The following SLC39A6 variants were observed in gnomAD, a reference collection of about 807,000 sequenced individuals.
SLC39A6 encodes solute carrier family 39 member 6.
SLC39A6 carries 51 observed loss-of-function variants against 63.5 expected under a neutral mutation model. That is an observed-to-expected ratio of 0.80 (90% CI 0.64 to 1.01). The LOEUF is 1.01. Among genes scored for constraint, SLC39A6 ranks in the 50% least tolerant of loss-of-function variants. The pLI, the probability that SLC39A6 is intolerant of heterozygous loss-of-function variation, is 0.00. For synonymous variants in SLC39A6, 318 were observed against 324.7 expected (o/e 0.98, Z 0.22); for missense variants, 805 against 927.8 (o/e 0.87, Z 1.72).
intron 3 of SLC39A6, among the ~76,000 whole-genome samples, chr18:36,124,273 GT>G (rs1343444615): frequency 6.6e-6 from 1 of 151,954 alleles, no homozygotes; most frequent in African/African-American, 2.4e-5. Flanking sequence ...CAAATTTCAG[GT>G]GATCCTGACA....
Position 36,109,020 on chromosome 18 carries a change from AC to A in SLC39A6, c.*572del, listed in dbSNP as rs1055957849. On this transcript the variant is annotated 3_prime_UTR_variant, in exon 10 of 10. Transcript: ENST00000269187. ...TACGTTTTTACGGGAAATAATCCTG[AC>A]AAAAATGTTTAATGAATGTACTCTA... is the stretch of plus-strand genomic sequence containing the variant. 2.6e-5 allele frequency: 4 copies of A among 152,212 alleles called. No homozygotes were observed. Among genetic ancestry groups the A allele is most frequent in the African/African-American group, 9.6e-5 (4 of 41,466 alleles). The allele number at this position is 152,212 out of a possible 1,614,324, so 9.4% of individuals were successfully genotyped here.
rs987494838 is a variant in SLC39A6 at position 36,116,685 on chromosome 18, T to C, written c.1454A>G (p.Asp485Gly). 6.2e-7 allele frequency: 1 copy of C among 1,607,336 alleles called. No homozygotes were observed. Among genetic ancestry groups the C allele is most frequent in the Non-Finnish European group, 8.5e-7 (1 of 1,174,090 alleles). The change falls in exon 6 of 10, where the codon GAT becomes GGT. Residue 485 changes from aspartate to glycine, a missense_variant. Asp to Gly is a moderately conservative substitution (Grantham distance 94, BLOSUM62 -1). This residue lies in a region of SLC39A6 where 639 missense variants were observed against 644.0 expected (regional missense o/e 0.99). Transcript: ENST00000269187. ...SQLSTNEEKV[D>G]TDDRTEGYLR... ...GCATAAGAACTTACGATCATCTGTATCTACTTTCTCCTCATTTGTTGAAAG... is the reference window on the plus strand; with the variant it reads ...GCATAAGAACTTACGATCATCTGTACCTACTTTCTCCTCATTTGTTGAAAG...
intron 8 of SLC39A6, among the ~76,000 whole-genome samples, chr18:36,111,567 C>T (rs1031749140): frequency 7.3e-5 from 11 of 150,948 alleles, no homozygotes; most frequent in Non-Finnish European, 1.6e-4. Flanking sequence ...TCATTGCAAC[C>T]TCTGCTTCCT....
At chr18:36,116,186 T>C (rs1214595899) in intron 6 of SLC39A6, among the ~76,000 whole-genome samples, 2 of 152,184 alleles carry the variant, frequency 1.3e-5, no homozygotes, top group Non-Finnish European at 2.9e-5. Context: ...TCAGTATAAA[T>C]TTCCTGATTT....
chr18:36,125,462 A>G (rs1266701943), intron 2 of SLC39A6, among the ~76,000 whole-genome samples: 1 of 152,148 alleles, frequency 6.6e-6, no homozygotes, highest in Non-Finnish European at 1.5e-5. Context: ...TACAACTCAG[A>G]GCAAACTTTA....
Position 36,122,120 on chromosome 18 carries a change from G to C in SLC39A6, c.1291C>G (p.Leu431Val), listed in dbSNP as rs1350544152. ...TGTTCAACAAGAAACATGAAATACA[G>C]GCCTCCTAGAGCTGTTAGACCCTTC... ...TWKGLTALGG[L>V]YFMFLVEHVL... Residue 431 changes from leucine to valine, a missense_variant, in exon 5 of 10, where the codon CTG becomes GTG. Leu to Val is a conservative substitution (Grantham distance 32, BLOSUM62 1). Around this residue, in one of 4 missense-constraint regions of SLC39A6, gnomAD observed 639 missense variants for 644.0 expected, o/e 0.99. Transcript: ENST00000269187. 1.2e-6 allele frequency: 2 copies of C among 1,613,902 alleles called. No homozygotes were observed. Among genetic ancestry groups the C allele is most frequent in the Non-Finnish European group, 1.7e-6 (2 of 1,179,902 alleles).
intron 8 of SLC39A6, among the ~76,000 whole-genome samples, chr18:36,111,665 A>G (rs1483223769): frequency 1.3e-5 from 2 of 151,996 alleles, no homozygotes; most frequent in Non-Finnish European, 2.9e-5. Context: ...TTTTACTTTT[A>G]GTAGAGACGG....
chr18:36,118,030 C>T (rs78243367), intron 5 of SLC39A6, among the ~76,000 whole-genome samples: 1 of 90,782 alleles, frequency 1.1e-5, no homozygotes, highest in Non-Finnish European at 2.3e-5. Flanking sequence ...GACTCCATCT[C>T]AAAAAAAAAA....
intron 8 of SLC39A6, among the ~76,000 whole-genome samples, chr18:36,111,860 G>A (rs2089303309): frequency 1.3e-5 from 2 of 152,216 alleles, no homozygotes; most frequent in Admixed American, 1.3e-4. Context: ...TAATATTGTG[G>A]TCTTGCAGTG....
Position 36,126,623 on chromosome 18 carries a change from G to T in SLC39A6, c.385C>A (p.His129Asn), listed in dbSNP as rs1426168777. 2.5e-6 allele frequency: 4 copies of T among 1,614,092 alleles called. No homozygotes were observed. The South Asian group carries it at 4.4e-5, about 18-fold the overall frequency. ...EHEHHSDHDH[H>N]SHHNHAASGK... ...GAAGCAGCATGATTATGGTGAGAGTGATGATCATGGTCAGAGTGATGCTCG... is the reference window on the plus strand; with the variant it reads ...GAAGCAGCATGATTATGGTGAGAGTTATGATCATGGTCAGAGTGATGCTCG... The change falls in exon 2 of 10, where the codon CAC (histidine) becomes AAC (asparagine). Residue 129 changes from histidine (H) to asparagine (N), a missense_variant. His to Asn is a moderately conservative substitution (Grantham distance 68, BLOSUM62 1). Transcript: ENST00000269187.
intron 6 of SLC39A6, among the ~76,000 whole-genome samples, chr18:36,116,461 A>C (rs894434095): frequency 2.0e-5 from 3 of 152,246 alleles, no homozygotes; most frequent in African/African-American, 7.2e-5. Context: ...CTTTTCTATG[A>C]ATATGAATTT....
chr18:36,113,210 T>C (rs866778917), intron 7 of SLC39A6, among the ~76,000 whole-genome samples: 29 of 152,022 alleles, frequency 1.9e-4, no homozygotes, highest in Middle Eastern at 3.4e-3. Flanking sequence ...TCCATCTACC[T>C]CAGCCTACCA....
At position 36,122,241 on chromosome 18, in the gene SLC39A6, G is replaced by C; in HGVS notation, c.1170C>G (p.Ser390Arg). The change falls in exon 5 of 10, where the codon AGC (serine) becomes AGG (arginine). Residue 390 changes from serine to arginine, a missense_variant. Physicochemically the swap from Ser to Arg is moderately radical, Grantham distance 110. This residue lies in a region of SLC39A6 where 639 missense variants were observed against 644.0 expected (regional missense o/e 0.99). Transcript: ENST00000269187. ...TCATTTCCATTGCTGGTTCTTCATGGCTATGACTATGGTGGTGACTTGCAT... is the reference window on the plus strand; with the variant it reads ...TCATTTCCATTGCTGGTTCTTCATGCCTATGACTATGGTGGTGACTTGCAT... ...HSHASHHHSHSHEEPAMEMKR... is the reference protein window; with the variant it reads ...HSHASHHHSHRHEEPAMEMKR... 1.2e-6 allele frequency: 2 copies of C among 1,613,874 alleles called. No individual in the cohort carries two copies. Among genetic ancestry groups the C allele is most frequent in the Non-Finnish European group, 1.7e-6 (2 of 1,179,858 alleles).
In SLC39A6 at chr18:36,126,544, C is replaced by T. The variant is rs770072281; in HGVS notation, c.464G>A (p.Gly155Asp). ...LCPDHDSDSSGKDPRNSQGKG... is the reference protein window; with the variant it reads ...LCPDHDSDSSDKDPRNSQGKG... ...CCCCTGGCTGTTTCTAGGATCTTTA[C>T]CTGAACTATCTGAGTCATGGTCTGG... The change falls in exon 2 of 10, where the codon GGT becomes GAT. Residue 155 changes from glycine (G) to aspartate (D), a missense_variant. By Grantham distance (94) the Gly-to-Asp change is moderately conservative. Around this residue, in one of 4 missense-constraint regions of SLC39A6, gnomAD observed 639 missense variants for 644.0 expected, o/e 0.99. Transcript: ENST00000269187. 1.2e-6 allele frequency: 2 copies of T among 1,614,202 alleles called. No individual in the cohort carries two copies. Among genetic ancestry groups the T allele is most frequent in the African/African-American group, 1.3e-5 (1 of 75,054 alleles).
In SLC39A6 at chr18:36,124,603, T is replaced by C. The variant is rs1199269317; in HGVS notation, c.887A>G (p.Asn296Ser). The C allele has an allele frequency of 1.9e-6, 3 of 1,599,110 alleles. No individual in the cohort carries two copies. Among genetic ancestry groups the C allele is most frequent in the Admixed American group, 3.3e-5 (2 of 59,876 alleles). Residue 296 changes from asparagine (N) to serine (S), a missense_variant, in exon 3 of 10, where the codon AAC (asparagine) becomes AGC (serine). Transcript: ENST00000269187. Reference sequence around the variant, plus strand: ...CAGACAAGATCTAGCATCAATTTGGTTGATGATGGCTGGACAGAGATAGTT... The same window carrying C: ...CAGACAAGATCTAGCATCAATTTGGCTGATGATGGCTGGACAGAGATAGTT... ...EFNYLCPAII[N>S]QIDARSCLIH...
chr18:36,109,415 A>G lies in SLC39A6; in HGVS notation c.*178T>C, dbSNP rs975302334. On this transcript the variant is annotated 3_prime_UTR_variant, in exon 10 of 10. Transcript: ENST00000269187. ...ATACAGATTTTATCTCCAAGATAGA[A>G]TAACTTAAATATTAAAACGTACCTT... The G allele has an allele frequency of 8.6e-6, 4 of 466,358 alleles. No individual in the cohort carries two copies. Among genetic ancestry groups the G allele is most frequent in the Non-Finnish European group, 7.6e-6 (2 of 264,546 alleles). The allele number at this position is 466,358 out of a possible 1,614,324, so 28.9% of individuals were successfully genotyped here.
Position 36,123,510 on chromosome 18 carries a change from T to TA in SLC39A6, c.1124dup (p.Leu375PhefsTer14). 6.2e-7 allele frequency: 1 copy of TA among 1,610,522 alleles called. No individual in the cohort carries two copies. The highest frequency in any genetic ancestry group is 8.5e-7 in the Non-Finnish European group (1 of 1,179,122). On this transcript the variant is annotated frameshift_variant, in exon 4 of 10. Transcript: ENST00000269187. LOFTEE classifies it high-confidence loss of function. ...CTATACTTACATGTGGAAGAAGGTG[T>TA]AAAAAAGCATCACCACTCAAAGTCC...
chr18:36,117,333 C>A (rs1488134373), intron 5 of SLC39A6, among the ~76,000 whole-genome samples: 3 of 152,244 alleles, frequency 2.0e-5, no homozygotes, highest in Non-Finnish European at 4.4e-5. Flanking sequence ...CTTCTGCACA[C>A]TGAAACCCCA....
chr18:36,118,196 A>C (rs774995165), intron 5 of SLC39A6, among the ~76,000 whole-genome samples: 1 of 152,206 alleles, frequency 6.6e-6, no homozygotes, highest in African/African-American at 2.4e-5. Context: ...TGTTCTAGAA[A>C]GTAGTTTAAC....
Sources: allele counts gnomAD v4.1 joint callset (sites outside exome capture counted in the v4.1 genomes callset), GRCh38; gene constraint gnomAD v4.1.1; regional missense constraint gnomAD v4.1.1; transcripts MANE v1.5; gene names NCBI Gene and HGNC (gene_info 2026-07-23, HGNC 2026-07-21).